The following LRP5 variants were observed in gnomAD, a reference collection of about 807,000 sequenced individuals.
LRP5 encodes the protein LDL receptor related protein 5, also known as low-density lipoprotein receptor-related protein 5.
LRP5 carries 62 observed loss-of-function variants against 154.1 expected under a neutral mutation model. That is an observed-to-expected ratio of 0.40 (90% CI 0.33 to 0.50). LRP5 has a LOEUF of 0.50. LRP5 is among the 20% of genes least tolerant of loss of function. The pLI, the probability that LRP5 is intolerant of heterozygous loss-of-function variation, is 0.55. For missense variants in LRP5, 1,915 were observed against 2,336.7 expected (o/e 0.82, Z 3.72); for synonymous variants, 966 against 1,011.5 (o/e 0.96, Z 0.85).
chr11:68,381,590 C>T (rs770677889), intron 5 of LRP5, among the ~76,000 whole-genome samples: 12 of 152,160 alleles, frequency 7.9e-5, no homozygotes, highest in Non-Finnish European at 1.5e-4. Flanking sequence ...GTCAGCAGCC[C>T]GCCTGGAGGA....
intron 7 of LRP5, among the ~76,000 whole-genome samples, chr11:68,390,688 C>T (rs11228224): frequency 3.9e-5 from 5 of 128,800 alleles, no homozygotes; most frequent in African/African-American, 1.5e-4. Context: ...GTCCCGTGGA[C>T]GCAGCCTCGC....
At chr11:68,354,224 C>T (rs962429059) in intron 2 of LRP5, among the ~76,000 whole-genome samples, 5 of 152,210 alleles carry the variant, frequency 3.3e-5, no homozygotes, top group Admixed American at 6.5e-5. Flanking sequence ...GATTTTCCTC[C>T]GTGGAATTTG....
At chr11:68,437,099 G>T (rs1355496070) in intron 19 of LRP5, 100 bp downstream of exon 19, 3 of 1,026,500 alleles carry the variant, frequency 2.9e-6, no homozygotes, top group Non-Finnish European at 3.0e-6. Context: ...GGGGCTGGGG[G>T]CTGTGTGGGA....
At position 68,433,824 on chromosome 11, in the gene LRP5, A is replaced by G. The variant is rs1260948014; in HGVS notation, c.3986A>G (p.Glu1329Gly). The G allele has an allele frequency of 6.2e-7, 1 of 1,612,432 alleles. No individual in the cohort carries two copies. Among genetic ancestry groups the G allele is most frequent in the Non-Finnish European group, 8.5e-7 (1 of 1,179,696 alleles). Reference protein sequence around the residue: ...GEADCQDRSDEADCDAICLPN... With the variant: ...GEADCQDRSDGADCDAICLPN... ...GCAGACTGTCAGGACCGCTCAGACG[A>G]GGCGGACTGTGACGGTGAGGCCCTC... The change falls in exon 18 of 23, where the codon GAG (glutamate) becomes GGG (glycine). Residue 1329 changes from glutamate to glycine, a missense_variant. Transcript: ENST00000294304.
At chr11:68,322,745 C>A (rs1194906982) in intron 1 of LRP5, among the ~76,000 whole-genome samples, 1 of 152,262 alleles carries the variant, frequency 6.6e-6, no homozygotes, top group Non-Finnish European at 1.5e-5. Flanking sequence ...TCCTCTGGCT[C>A]GAATTCTGCT....
rs780882911 is a variant in LRP5, at chr11:68,406,711, TAAC to T, written c.1993_1995del (p.Asn665del). 41 of 1,614,154 alleles carry T rather than the reference TAAC, an allele frequency of 2.5e-5. No homozygotes were observed. The highest frequency in any genetic ancestry group is 6.6e-5 in the South Asian group (6 of 91,076). ...TCCACAGGATCTCCCTCGAGACCAA[TAAC>T]AACGACGTGGCCATCCCGCTCACGG... On this transcript the variant is annotated inframe_deletion, in exon 9 of 23. Transcript: ENST00000294304.
At chr11:68,336,503 T>C (rs2098605789) in intron 1 of LRP5, among the ~76,000 whole-genome samples, 1 of 152,142 alleles carries the variant, frequency 6.6e-6, no homozygotes, top group African/African-American at 2.4e-5. Flanking sequence ...AGTTTTGCTT[T>C]TGTCACCCAG....
intron 5 of LRP5, among the ~76,000 whole-genome samples, chr11:68,377,067 C>T (rs2472410): frequency 2.0e-5 from 3 of 152,114 alleles, no homozygotes; most frequent in Non-Finnish European, 4.4e-5. Flanking sequence ...GTCAGGAGTT[C>T]GAGACCAGCC....
chr11:68,299,324 G>A, the LRP5 span, among the ~76,000 whole-genome samples: 1 of 152,200 alleles, frequency 6.6e-6, no homozygotes, highest in African/African-American at 2.4e-5. Flanking sequence ...GCAGCTCAGG[G>A]GGAGGCTGGA....
Position 68,447,437 on chromosome 11 carries a change from C to T in LRP5, c.4586+904C>T, listed in dbSNP as rs1341244435. 3.3e-5 allele frequency among the ~76,000 whole-genome samples: 5 copies of T among 152,146 alleles called. No homozygotes were observed. Among genetic ancestry groups the T allele is most frequent in the Admixed American group, 2.6e-4 (4 of 15,280 alleles). The stretch of plus-strand genomic sequence containing the variant: ...CGAACTCCCAGGCCTGGCTGGGGAG[C>T]CGGAACTGCAGCCTCCATTTCCACC... On this transcript the variant is annotated intron_variant, in intron 22 of 22. Transcript: ENST00000294304. This position sits in a 1 kb window ranked among gnomAD's most constrained non-coding sequence, Gnocchi z 4.3.
At chr11:68,438,300 G>A in intron 19 of LRP5, 146 bp from the exon 20 acceptor site, 1 of 833,672 alleles carries the variant, frequency 1.2e-6, no homozygotes, top group Non-Finnish European at 2.1e-6. Flanking sequence ...AGGCTCCCCA[G>A]GCCTAGCCTC....
At chr11:68,335,849 G>A (rs769113795) in intron 1 of LRP5, among the ~76,000 whole-genome samples, 10 of 152,196 alleles carry the variant, frequency 6.6e-5, no homozygotes, top group Non-Finnish European at 1.3e-4. Context: ...AAGATGGGGC[G>A]TTGTGGCCTC....
At chr11:68,347,821 C>T in intron 1 of LRP5, 26 bp from the exon 2 acceptor site, 2 of 1,612,140 alleles carry the variant, frequency 1.2e-6, no homozygotes, top group Non-Finnish European at 1.7e-6. Context: ...AGCCAGTGGC[C>T]CTCACGGTTT....
At chr11:68,406,933 C>A in intron 9 of LRP5, 120 bp downstream of exon 9, 4 of 994,396 alleles carry the variant, frequency 4.0e-6, no homozygotes, top group Non-Finnish European at 6.0e-6. Flanking sequence ...TAACGCAGTT[C>A]AAGCTAATCA....
At chr11:68,318,293 G>A (rs1376007022) in intron 1 of LRP5, among the ~76,000 whole-genome samples, 2 of 148,988 alleles carry the variant, frequency 1.3e-5, no homozygotes, top group Non-Finnish European at 1.5e-5. Context: ...TGATCCTCCC[G>A]CTCGGCTTCC....
At chr11:68,304,411 GC>G in the LRP5 span, among the ~76,000 whole-genome samples, 1 of 152,266 alleles carries the variant, frequency 6.6e-6, no homozygotes, top group African/African-American at 2.4e-5. Context: ...GTATGAGAAA[GC>G]CTGGGAGCCC....
At chr11:68,443,583 ATATTTTTTT>A (rs2098679755) in intron 21 of LRP5, among the ~76,000 whole-genome samples, 1 of 33,064 alleles carries the variant, frequency 3.0e-5, no homozygotes. Flanking sequence ...ATATATATAT[ATATTTTTTT>A]TTTTTTTGGT....
chr11:68,387,462 CA>C (rs896309582), intron 6 of LRP5, among the ~76,000 whole-genome samples: 4 of 152,316 alleles, frequency 2.6e-5, no homozygotes, highest in East Asian at 3.9e-4. Context: ...TCTTTTCATC[CA>C]GGGGGGTAGG....
rs2098645494 is a variant in LRP5 at position 68,390,119 on chromosome 11, C to T, written c.1584+67C>T. On this transcript the variant is annotated intron_variant, in intron 7 of 22. Coordinates refer to ENST00000294304, the MANE Select transcript of LRP5 (RefSeq NM_002335.4). The stretch of plus-strand genomic sequence containing the variant: ...CAGCCACCCCCTGCAGCCAGATGTA[C>T]GTATTGGCGAGGCACCGATGGGTGC... 19 of 1,580,360 alleles carry T rather than the reference C, an allele frequency of 1.2e-5. No homozygotes were observed. In the East Asian group the frequency reaches 1.8e-4, roughly 15 times the overall value.
Sources: allele counts gnomAD v4.1 joint callset (sites outside exome capture counted in the v4.1 genomes callset), GRCh38; gene constraint gnomAD v4.1.1; non-coding constraint Gnocchi (gnomAD v3.1); transcripts MANE v1.5; gene names NCBI Gene and HGNC (gene_info 2026-07-23, HGNC 2026-07-21).